Variants in TPD52 observed in about 807,000 individuals in gnomAD.
TPD52 encodes the protein tumor protein D52.
TPD52 carries 17 observed loss-of-function variants against 31.3 expected under a neutral mutation model. The observed-to-expected ratio is 0.54, with a 90% CI of 0.37 to 0.82. TPD52 has a LOEUF of 0.82. Among genes scored for constraint, TPD52 ranks in the 40% least tolerant of loss-of-function variants. The probability of loss-of-function intolerance (pLI) is 0.00; values close to 1 mark genes in which losing one functional copy is unlikely to be tolerated. For missense variants in TPD52, 212 were observed against 240.1 expected (o/e 0.88, Z 0.77); for synonymous variants, 83 against 89.6 (o/e 0.93, Z 0.42).
chr8:80,141,357 A>T (rs1000192958), intron 1 of TPD52, among the ~76,000 whole-genome samples: 1 of 152,284 alleles, frequency 6.6e-6, no homozygotes, highest in East Asian at 1.9e-4. Flanking sequence ...TGACCAACAG[A>T]ATAATACAGC....
chr8:80,060,732 G>GAATGCAAGGA (rs1466867306), intron 2 of TPD52, among the ~76,000 whole-genome samples: 3 of 150,068 alleles, frequency 2.0e-5, no homozygotes, highest in African/African-American at 7.3e-5. Flanking sequence ...ATTTCAATAG[G>GAATGCAAGGA]TGAAAAAAAA....
In TPD52 at chr8:80,088,983, C is replaced by A. The variant is rs530126399; in HGVS notation, c.20-24390G>T. On this transcript the variant is annotated intron_variant, in intron 1 of 7. Transcript: ENST00000518937. Reference sequence around the variant, plus strand: ...GTGCTGGGATTACAGGCGTGAACCACTGCGCCTGGCAGCTCTCTGTCAACC... The same window carrying A: ...GTGCTGGGATTACAGGCGTGAACCAATGCGCCTGGCAGCTCTCTGTCAACC... Among the ~76,000 whole-genome samples, 217 of 152,356 alleles carry A rather than the reference C, an allele frequency of 1.4e-3. 4 individuals carry two copies. The highest frequency in any genetic ancestry group is 5.9e-5 in the Non-Finnish European group (4 of 68,040).
At chr8:80,166,164 A>G (rs1811694893) in intron 1 of TPD52, among the ~76,000 whole-genome samples, 2 of 152,068 alleles carry the variant, frequency 1.3e-5, no homozygotes, top group South Asian at 4.1e-4. Context: ...AAAAATAGAA[A>G]AATTATGGCG....
intron 1 of TPD52, among the ~76,000 whole-genome samples, chr8:80,136,151 T>A (rs1200227713): frequency 2.0e-4 from 28 of 138,482 alleles, no homozygotes; most frequent in Admixed American, 8.7e-4. Context: ...AATTAATTAA[T>A]TAAAAAAAAA....
At chr8:80,061,140 C>T (rs1812475417) in intron 2 of TPD52, among the ~76,000 whole-genome samples, 1 of 145,742 alleles carries the variant, frequency 6.9e-6, no homozygotes, top group Admixed American at 6.9e-5. Context: ...CCGAGGCAGG[C>T]AGAACACCTG....
intron 1 of TPD52, among the ~76,000 whole-genome samples, chr8:80,165,688 T>C (rs1022204735): frequency 6.6e-6 from 1 of 152,254 alleles, no homozygotes; most frequent in Non-Finnish European, 1.5e-5. Context: ...ACCTTCCTAG[T>C]TACTTTTCCA....
intron 1 of TPD52, among the ~76,000 whole-genome samples, chr8:80,144,219 T>C (rs2131159530): frequency 6.6e-6 from 1 of 152,322 alleles, no homozygotes; most frequent in African/African-American, 2.4e-5. Flanking sequence ...TTTCCTACTA[T>C]GAAGAATATC....
At chr8:80,065,291 A>ATATC (rs200924321) in intron 1 of TPD52, among the ~76,000 whole-genome samples, 3 of 110,108 alleles carry the variant, frequency 2.7e-5, no homozygotes, top group Admixed American at 8.7e-5. Flanking sequence ...CTATATATCT[A>ATATC]TATCTATCTA....
intron 1 of TPD52, among the ~76,000 whole-genome samples, chr8:80,096,008 C>A (rs567366941): frequency 1.3e-5 from 2 of 152,104 alleles, no homozygotes; most frequent in African/African-American, 4.8e-5. Context: ...CCAAGCCCAA[C>A]ACTTTGGGAG....
intron 1 of TPD52, among the ~76,000 whole-genome samples, chr8:80,096,249 C>T (rs1457349099): frequency 3.3e-5 from 5 of 151,226 alleles, no homozygotes; most frequent in African/African-American, 1.2e-4. Context: ...AGAGCAAGAA[C>T]TTGTCTCAAA....
intron 1 of TPD52, among the ~76,000 whole-genome samples, chr8:80,073,977 A>G (rs934553777): frequency 3.3e-5 from 5 of 152,244 alleles, no homozygotes; most frequent in Admixed American, 6.5e-5. Context: ...GCTGCCCCCA[A>G]AAAAATTCAA....
intron 1 of TPD52, among the ~76,000 whole-genome samples, chr8:80,152,673 C>T (rs752083462): frequency 1.1e-4 from 16 of 150,088 alleles, no homozygotes; most frequent in Admixed American, 2.0e-4. Flanking sequence ...CCCAGCTACT[C>T]GGGAGGCTGA....
At chr8:80,124,503 C>T (rs1023243997) in intron 1 of TPD52, among the ~76,000 whole-genome samples, 4 of 152,154 alleles carry the variant, frequency 2.6e-5, no homozygotes, top group Admixed American at 2.0e-4. Context: ...AGGCAATGGT[C>T]TTAGTCTGGA....
intron 1 of TPD52, among the ~76,000 whole-genome samples, chr8:80,120,315 C>G (rs571064949): frequency 1.6e-4 from 25 of 152,154 alleles, no homozygotes; most frequent in African/African-American, 5.1e-4. Flanking sequence ...ACGGCAAAAC[C>G]CTGTCTCTAC....
intron 1 of TPD52, among the ~76,000 whole-genome samples, chr8:80,166,603 A>T (rs753442066): frequency 2.0e-5 from 3 of 151,868 alleles, no homozygotes; most frequent in African/African-American, 7.3e-5. Context: ...ATATTCAATA[A>T]GAAATTTTGT....
intron 1 of TPD52, among the ~76,000 whole-genome samples, chr8:80,089,450 T>C (rs1816082003): frequency 6.6e-6 from 1 of 152,146 alleles, no homozygotes; most frequent in African/African-American, 2.4e-5. Context: ...TCACAAGACT[T>C]CTGGAGTAAA....
intron 1 of TPD52, among the ~76,000 whole-genome samples, chr8:80,082,249 T>G (rs894352969): frequency 2.6e-5 from 4 of 152,184 alleles, no homozygotes; most frequent in Admixed American, 6.5e-5. Flanking sequence ...GTTTCTTTTT[T>G]ATCATTATCT....
chr8:80,140,536 T>G (rs766215748), intron 1 of TPD52, among the ~76,000 whole-genome samples: 2 of 152,202 alleles, frequency 1.3e-5, no homozygotes, highest in Non-Finnish European at 2.9e-5. Context: ...TAAACAACTT[T>G]TGAAAAGTAA....
At chr8:80,127,196 CAATT>C (rs777267564) in intron 1 of TPD52, among the ~76,000 whole-genome samples, 1 of 151,948 alleles carries the variant, frequency 6.6e-6, no homozygotes, top group Non-Finnish European at 1.5e-5. Flanking sequence ...GTCAAACAAT[CAATT>C]GACTCATCAG....
Sources: gnomAD v4.1 joint callset for allele counts (sites outside exome capture counted in the v4.1 genomes callset) on GRCh38, gnomAD v4.1.1 for gene constraint, MANE v1.5 for transcripts, NCBI Gene and HGNC (gene_info 2026-07-23, HGNC 2026-07-21) for gene names.